The following ZFPM2 variants were observed in gnomAD, a reference collection of about 807,000 sequenced individuals.
The protein encoded by ZFPM2 is zinc finger protein ZFPM2.
ZFPM2 carries 20 observed loss-of-function variants against 98.6 expected under a neutral mutation model. That is an observed-to-expected ratio of 0.20 (90% CI 0.14 to 0.29). ZFPM2 has a LOEUF of 0.29. Among genes scored for constraint, ZFPM2 ranks in the 10% least tolerant of loss-of-function variants. The probability of loss-of-function intolerance (pLI) is 1.00; values close to 1 mark genes in which losing one functional copy is unlikely to be tolerated. For missense variants in ZFPM2, 1,310 were observed against 1,388.6 expected, an observed-to-expected ratio of 0.94 and a Z score of 0.90; for synonymous variants, 518 against 502.7, an observed-to-expected ratio of 1.03 and a Z score of -0.41.
At chr8:105,321,706 C>A (rs544193939) in intron 1 of ZFPM2, among the ~76,000 whole-genome samples, 6 of 151,892 alleles carry the variant, frequency 4.0e-5, no homozygotes, top group African/African-American at 1.4e-4. Context: ...CTCCGGGCAG[C>A]GATAAAAAGG....
intron 1 of ZFPM2, among the ~76,000 whole-genome samples, chr8:105,321,425 C>T (rs1339671880): frequency 6.6e-6 from 1 of 152,134 alleles, no homozygotes; most frequent in East Asian, 1.9e-4. Flanking sequence ...TAGCATTTCA[C>T]GCCAGTAATA....
intron 4 of ZFPM2, among the ~76,000 whole-genome samples, chr8:105,615,629 C>G (rs1816397994): frequency 6.6e-6 from 1 of 152,142 alleles, no homozygotes; most frequent in East Asian, 1.9e-4. Context: ...AGAAAGCAAG[C>G]AAAGATTTTA....
Position 105,803,435 on chromosome 8 carries a change from G to C in ZFPM2, c.3353G>C (p.Gly1118Ala), listed in dbSNP as rs751862742. 3 of 1,613,622 alleles carry C rather than the reference G, an allele frequency of 1.9e-6. No individual in the cohort carries two copies. In the Admixed American group the frequency reaches 5.0e-5, roughly 27 times the overall value. Residue 1118 changes from glycine (G) to alanine (A), a missense_variant, in exon 8 of 8, where the codon GGG (glycine) becomes GCG (alanine). Gly to Ala is a moderately conservative substitution (Grantham distance 60). Coordinates refer to ENST00000407775, the MANE Select transcript of ZFPM2 (RefSeq NM_012082.4). ...GGTTCCAGCCAGGCTCCAACCAGTG[G>C]GAAATATTGCCGGCTATGTGATATC... is the stretch of plus-strand genomic sequence containing the variant. Reference protein sequence around the residue: ...VNGSSQAPTSGKYCRLCDIQF... With the variant: ...VNGSSQAPTSAKYCRLCDIQF...
chr8:105,761,593 G>A (rs767629813), intron 5 of ZFPM2, among the ~76,000 whole-genome samples: 2 of 151,730 alleles, frequency 1.3e-5, no homozygotes, highest in Non-Finnish European at 2.9e-5. Context: ...AGAATATCAG[G>A]ATGGGTATTT....
At chr8:105,789,249 C>T (rs1813520546) in intron 6 of ZFPM2, among the ~76,000 whole-genome samples, 1 of 152,096 alleles carries the variant, frequency 6.6e-6, no homozygotes, top group Non-Finnish European at 1.5e-5. Context: ...CCCCACCCCA[C>T]AACAGTCCCC....
intron 3 of ZFPM2, among the ~76,000 whole-genome samples, chr8:105,530,290 G>C (rs1814268314): frequency 6.6e-6 from 1 of 152,070 alleles, no homozygotes; most frequent in Non-Finnish European, 1.5e-5. Context: ...CAGCATCCTT[G>C]GTGGATTAGT....
At chr8:105,591,879 C>G (rs1030137330) in intron 4 of ZFPM2, among the ~76,000 whole-genome samples, 2 of 151,962 alleles carry the variant, frequency 1.3e-5, no homozygotes, top group Non-Finnish European at 1.5e-5. Context: ...AAATATAATA[C>G]CAGTGAGGAA....
intron 5 of ZFPM2, among the ~76,000 whole-genome samples, chr8:105,671,355 T>C (rs947783984): frequency 2.0e-5 from 3 of 151,882 alleles, no homozygotes; most frequent in African/African-American, 7.2e-5. Context: ...AATTAATTTT[T>C]ATTTTGTATT....
Position 105,794,863 on chromosome 8 carries a change from G to A in ZFPM2, c.740-3861G>A, listed in dbSNP as rs150235285. ...CTGTGCTAGCAATCAGTGAGGGTCCGTGGGCATAGGACCCTCCAAGCCCGG... is the reference window on the plus strand; with the variant it reads ...CTGTGCTAGCAATCAGTGAGGGTCCATGGGCATAGGACCCTCCAAGCCCGG... On this transcript the variant is annotated intron_variant, in intron 6 of 7. Coordinates refer to ENST00000407775, the MANE Select transcript of ZFPM2 (RefSeq NM_012082.4). Among the ~76,000 whole-genome samples, 960 of 152,300 alleles carry A rather than the reference G, an allele frequency of 6.3e-3. 29 individuals carry two copies. The highest frequency in any genetic ancestry group is 0.046 in the Admixed American group (698 of 15,304).
chr8:105,362,026 G>A (rs1390103611), intron 1 of ZFPM2, among the ~76,000 whole-genome samples: 1 of 152,096 alleles, frequency 6.6e-6, no homozygotes, highest in African/African-American at 2.4e-5. Flanking sequence ...TTCTTAGAAC[G>A]CATCTCTGTT....
intron 3 of ZFPM2, among the ~76,000 whole-genome samples, chr8:105,471,028 T>C (rs1812892908): frequency 6.6e-6 from 1 of 152,214 alleles, no homozygotes; most frequent in African/African-American, 2.4e-5. Flanking sequence ...GCTTATTACA[T>C]ATTGAAAATC....
At position 105,456,153 on chromosome 8, in the gene ZFPM2, TTTGTTTGTTTGTTTG is replaced by T. The variant is rs922689338; in HGVS notation, c.301+11775_301+11789del. Among the ~76,000 whole-genome samples the T allele has an allele frequency of 1.0e-4, 11 of 110,478 alleles. No homozygotes were observed. In the East Asian group the frequency reaches 1.0e-3, roughly 10 times the overall value. The allele number at this position is 110,478 out of a possible 152,430, so 72.5% of individuals were successfully genotyped here. ...GGGGAAAACCAGGAAAATGTTTTTT[TTTGTTTGTTTGTTTG>T]TTTTTTTTTTAAGAAGGAAGGGGCT... On this transcript the variant is annotated intron_variant, in intron 3 of 7. Coordinates refer to ENST00000407775, the MANE Select transcript of ZFPM2 (RefSeq NM_012082.4).
At chr8:105,658,903 T>C (rs1479561366) in intron 5 of ZFPM2, among the ~76,000 whole-genome samples, 1 of 152,076 alleles carries the variant, frequency 6.6e-6, no homozygotes, top group Non-Finnish European at 1.5e-5. Flanking sequence ...TAATAGGCAA[T>C]TGAAGCTATG....
chr8:105,792,998 T>C (rs894943757), intron 6 of ZFPM2, among the ~76,000 whole-genome samples: 1 of 152,218 alleles, frequency 6.6e-6, no homozygotes, highest in Admixed American at 6.5e-5. Context: ...TGAGATGGGT[T>C]TCCTGAATAC....
intron 1 of ZFPM2, among the ~76,000 whole-genome samples, chr8:105,330,616 A>ATATATACG (rs1812210287): frequency 3.4e-5 from 2 of 59,674 alleles, no homozygotes; most frequent in African/African-American, 1.9e-4. Context: ...ATATACACAT[A>ATATATACG]TATATATATA....
chr8:105,566,891 G>A (rs1815253891), intron 4 of ZFPM2, among the ~76,000 whole-genome samples: 1 of 151,998 alleles, frequency 6.6e-6, no homozygotes, highest in Admixed American at 6.6e-5. Context: ...TTTTCCCACA[G>A]GGTATTTGTG....
At position 105,542,256 on chromosome 8, in the gene ZFPM2, A is replaced by G. The variant is rs1277031423; in HGVS notation, c.302-19107A>G. ...TTGTTAATTTTTAGTTCTTTGGTGG[A>G]TTAGATAATTAGATATTCAGGATTA... On this transcript the variant is annotated intron_variant, in intron 3 of 7. Transcript: ENST00000407775. 2.6e-5 allele frequency among the ~76,000 whole-genome samples: 4 copies of G among 152,262 alleles called. No homozygotes were observed. In the East Asian group the frequency reaches 5.8e-4, roughly 22 times the overall value.
At chr8:105,369,608 G>T (rs1162594247) in intron 1 of ZFPM2, among the ~76,000 whole-genome samples, 3 of 152,062 alleles carry the variant, frequency 2.0e-5, no homozygotes, top group Admixed American at 1.3e-4. Flanking sequence ...GCAGCAAAAT[G>T]ATTTTTATGG....
intron 1 of ZFPM2, among the ~76,000 whole-genome samples, chr8:105,368,421 G>A (rs1430841652): frequency 6.6e-6 from 1 of 152,076 alleles, no homozygotes; most frequent in Non-Finnish European, 1.5e-5. Flanking sequence ...TGGTTTATTT[G>A]CTCTTTGTAC....
Sources: gnomAD v4.1 joint callset for allele counts (sites outside exome capture counted in the v4.1 genomes callset) on GRCh38, gnomAD v4.1.1 for gene constraint, MANE v1.5 for transcripts, NCBI Gene and HGNC (gene_info 2026-07-23, HGNC 2026-07-21) for gene names.